Variants in HELQ observed in about 807,000 individuals in gnomAD.
The protein encoded by HELQ is helicase POLQ-like.
In HELQ, 77 loss-of-function variants were observed where a neutral mutation model predicts 111.6. That is an observed-to-expected ratio of 0.69 (90% CI 0.57 to 0.83). The LOEUF is 0.83. Among genes scored for constraint, HELQ ranks in the 40% least tolerant of loss-of-function variants. The probability of loss-of-function intolerance (pLI) is 0.00; values close to 1 mark genes in which losing one functional copy is unlikely to be tolerated. For synonymous variants in HELQ, 438 were observed against 454.7 expected, an observed-to-expected ratio of 0.96 and a Z score of 0.47; for missense variants, 1,200 against 1,288.5, an observed-to-expected ratio of 0.93 and a Z score of 1.05.
chr4:83,419,865 TATC>T (rs1167155228), intron 15 of HELQ, among the ~76,000 whole-genome samples: 1 of 152,148 alleles, frequency 6.6e-6, no homozygotes, highest in Admixed American at 6.5e-5. Flanking sequence ...TTAAAATAAT[TATC>T]ATTCAATTGA....
At chr4:83,423,627 G>C (rs1022966991) in intron 14 of HELQ, among the ~76,000 whole-genome samples, 22 of 152,050 alleles carry the variant, frequency 1.4e-4, no homozygotes, top group Admixed American at 9.8e-4. Context: ...AAGATCTTTT[G>C]TGGCAGGGCA....
chr4:83,453,951 A>G lies in HELQ; in HGVS notation c.298-6T>C. 1.3e-6 allele frequency: 2 copies of G among 1,541,348 alleles called. No homozygotes were observed. Among genetic ancestry groups the G allele is most frequent in the Non-Finnish European group, 1.8e-6 (2 of 1,125,128 alleles). Reference sequence around the variant, plus strand: ...TCCACTTCACTGTCATTAGGCTGCAAAGAGAACAAAAACGCTTATGGTCAA... The same window carrying G: ...TCCACTTCACTGTCATTAGGCTGCAGAGAGAACAAAAACGCTTATGGTCAA... On this transcript the variant is annotated splice_region_variant and splice_polypyrimidine_tract_variant and intron_variant, in intron 1 of 17. Coordinates refer to ENST00000295488, the MANE Select transcript of HELQ (RefSeq NM_133636.5).
intron 15 of HELQ, 120 bp from the exon 16 acceptor site, chr4:83,418,326 C>A: frequency 2.0e-6 from 1 of 506,130 alleles, no homozygotes; most frequent in Non-Finnish European, 3.5e-6. Flanking sequence ...TTGAGTTAAG[C>A]CAGAGATGAA....
intron 11 of HELQ, among the ~76,000 whole-genome samples, chr4:83,431,108 AAAAC>A (rs113083449): frequency 9.9e-5 from 15 of 151,790 alleles, no homozygotes; most frequent in Admixed American, 2.6e-4. Flanking sequence ...GATTAAAGAA[AAAAC>A]AAACAAACAA....
rs533390042 is a variant in HELQ at position 83,436,989 on chromosome 4, T to G, written c.1917A>C (p.Gly639=). The part of the protein sequence containing the change: ...CPVLKRTIPF[G]VAYHHSGLTS... Reference sequence around the variant, plus strand: ...TTAAGCCACTGTGGTGATAGGCAACTCCAAATGGGATAGTGCGCTTTAAAA... The same window carrying G: ...TTAAGCCACTGTGGTGATAGGCAACGCCAAATGGGATAGTGCGCTTTAAAA... Residue 639 remains glycine, a synonymous_variant, in exon 9 of 18, where the codon GGA becomes GGC. Transcript: ENST00000295488. The G allele has an allele frequency of 2.0e-5, 33 of 1,614,160 alleles. No homozygotes were observed. The South Asian group carries it at 3.5e-4, about 17-fold the overall frequency.
chr4:83,420,936 AGCTGGGACCACAGGCGTGT>A (rs965934237), intron 15 of HELQ, among the ~76,000 whole-genome samples: 1 of 149,794 alleles, frequency 6.7e-6, no homozygotes, highest in Non-Finnish European at 1.5e-5. Flanking sequence ...AGACCCAAGT[AGCTGGGACCACAGGCGTGT>A]GCCACCACGC....
At chr4:83,423,787 T>C (rs1487944417) in intron 14 of HELQ, among the ~76,000 whole-genome samples, 1 of 152,118 alleles carries the variant, frequency 6.6e-6, no homozygotes. Context: ...GGCGGGCACC[T>C]GCAATCCCAG....
At chr4:83,416,236 C>T (rs1462987801) in intron 17 of HELQ, among the ~76,000 whole-genome samples, 1 of 151,870 alleles carries the variant, frequency 6.6e-6, no homozygotes, top group East Asian at 1.9e-4. Flanking sequence ...GCATGAGGCA[C>T]CATGCCTGGC....
intron 10 of HELQ, 33 bp from the exon 11 acceptor site, chr4:83,431,801 T>C (rs377648924): frequency 6.4e-5 from 57 of 894,922 alleles, no homozygotes; most frequent in Non-Finnish European, 7.3e-5. Flanking sequence ...ATGCCTTGTG[T>C]TATTATTAAA....
Position 83,455,648 on chromosome 4 carries a change from T to C in HELQ, c.46A>G (p.Lys16Glu), listed in dbSNP as rs1301203996. The change falls in exon 1 of 18, where the codon AAA becomes GAA. Residue 16 changes from lysine to glutamate, a missense_variant. Lys to Glu is a moderately conservative substitution (Grantham distance 56). This residue lies in a region of HELQ where 610 missense variants were observed against 607.1 expected (regional missense o/e 1.00). Coordinates refer to ENST00000295488, the MANE Select transcript of HELQ (RefSeq NM_133636.5). ...SRIRRRVSLP[K>E]RNRPSLGCIF... ...CACCCCAAGCTTGGACGGTTCCTTT[T>C]GGGGAGAGACACCCGCCGGCGGATG... 1 of 1,612,750 alleles carries C rather than the reference T, an allele frequency of 6.2e-7. No individual in the cohort carries two copies. The highest frequency in any genetic ancestry group is 2.2e-5 in the East Asian group (1 of 44,864).
chr4:83,446,079 A>G lies in HELQ; in HGVS notation c.1400T>C (p.Met467Thr). The G allele has an allele frequency of 1.2e-6, 2 of 1,612,842 alleles. No individual in the cohort carries two copies. Among genetic ancestry groups the G allele is most frequent in the Admixed American group, 1.7e-5 (1 of 60,008 alleles). ...AGCTCCACGGCTTCCTTCACCAATC[A>G]TGTGCAACTTCGAGATTTTTTTTAA... ...LGLVVVDELH[M>T]IGEGSRGATL... The change falls in exon 5 of 18, where the codon ATG (methionine) becomes ACG (threonine). Residue 467 changes from methionine to threonine, a missense_variant. By Grantham distance (81) the Met-to-Thr change is moderately conservative. Around this residue, in one of 3 missense-constraint regions of HELQ, gnomAD observed 610 missense variants for 607.1 expected, o/e 1.00. Transcript: ENST00000295488.
chr4:83,452,425 C>T (rs1235470226), intron 2 of HELQ, among the ~76,000 whole-genome samples: 1 of 152,278 alleles, frequency 6.6e-6, no homozygotes, highest in East Asian at 1.9e-4. Flanking sequence ...CAGCACAAGG[C>T]AGAGCATCTG....
intron 17 of HELQ, among the ~76,000 whole-genome samples, chr4:83,411,389 C>T (rs1739089087): frequency 6.6e-6 from 1 of 151,064 alleles, no homozygotes; most frequent in East Asian, 2.0e-4. Flanking sequence ...GAGGGTGGAT[C>T]ACTTGAGCTC....
chr4:83,445,859 C>T (rs1304343868), intron 5 of HELQ, among the ~76,000 whole-genome samples, 155 bp downstream of exon 5: 1 of 152,230 alleles, frequency 6.6e-6, no homozygotes, highest in Admixed American at 6.5e-5. Context: ...ATTTCATTTA[C>T]CTTCAAAATT....
Position 83,432,281 on chromosome 4 carries a change from GA to G in HELQ, c.2049-15del. 3.9e-6 allele frequency: 6 copies of G among 1,523,948 alleles called. No homozygotes were observed. The highest frequency in any genetic ancestry group is 2.1e-5 in the Admixed American group (1 of 47,502). The allele number at this position is 1,523,948 out of a possible 1,614,324, so 94.4% of individuals were successfully genotyped here. A position where few individuals can be genotyped will look rare whatever the true frequency, so the allele number is the denominator to read the frequency against. On this transcript the variant is annotated splice_polypyrimidine_tract_variant and intron_variant, in intron 9 of 17. Transcript: ENST00000295488. ...CTTAAAATAACTCTGTGGAATTAATGAAAAATGATACTCTACAGCAAACAGC... is the reference window on the plus strand; with the variant it reads ...CTTAAAATAACTCTGTGGAATTAATGAAAATGATACTCTACAGCAAACAGC...
chr4:83,417,383 A>G (rs1459378618), intron 16 of HELQ, among the ~76,000 whole-genome samples: 1 of 151,958 alleles, frequency 6.6e-6, no homozygotes, highest in Non-Finnish European at 1.5e-5. Context: ...TTGTATTTTT[A>G]GTAAAGATGG....
At position 83,429,535 on chromosome 4, in the gene HELQ, GC is replaced by G; in HGVS notation, c.2506del (p.Ala836LeufsTer7). ...AGGTAAACTCTTACCCTTAAATGAAGCACGTCCCAACTTTGTAATATGAAAA... is the reference window on the plus strand; with the variant it reads ...AGGTAAACTCTTACCCTTAAATGAAGACGTCCCAACTTTGTAATATGAAAA... The part of the protein sequence containing the change: ...YNFHITKLGR[A>X]SFKGTIDLAY... On this transcript the variant is annotated frameshift_variant, in exon 12 of 18. Transcript: ENST00000295488. LOFTEE classifies it high-confidence loss of function. 1 of 1,595,530 alleles carries G rather than the reference GC, an allele frequency of 6.3e-7. No homozygotes were observed. Among genetic ancestry groups the G allele is most frequent in the South Asian group, 1.1e-5 (1 of 89,692 alleles).
chr4:83,408,888 G>T (rs1738938872), intron 17 of HELQ, among the ~76,000 whole-genome samples: 1 of 152,136 alleles, frequency 6.6e-6, no homozygotes, highest in South Asian at 2.1e-4. Flanking sequence ...AATGTTGGTT[G>T]ATTAAAGCAT....
intron 3 of HELQ, 37 bp from the exon 4 acceptor site, chr4:83,447,072 GCATTGTGGCCAATGCCTGTAATCC>G (rs11272773): frequency 0.5 from 703,648 of 1,416,438 alleles, 176,612 homozygotes; most frequent in East Asian, 0.64. Context: ...AATTGGCCAG[GCATTGTGGCCAATGCCTGTAATCC>G]CAGTACCTTG....
Sources: allele counts gnomAD v4.1 joint callset (sites outside exome capture counted in the v4.1 genomes callset), GRCh38; gene constraint gnomAD v4.1.1; regional missense constraint gnomAD v4.1.1; transcripts MANE v1.5; gene names NCBI Gene and HGNC (gene_info 2026-07-23, HGNC 2026-07-21).